The following TTLL5 variants were observed in gnomAD, a reference collection of about 807,000 sequenced individuals.
The protein encoded by TTLL5 is tubulin polyglutamylase TTLL5.
TTLL5 carries 132 observed loss-of-function variants against 168.4 expected under a neutral mutation model. The ratio of observed to expected loss-of-function variants is 0.78; its 90% CI spans 0.68 to 0.91. The LOEUF (loss-of-function observed/expected upper bound fraction) is 0.91. TTLL5 is among the 40% of genes least tolerant of loss of function. The probability of loss-of-function intolerance (pLI) is 0.00; values close to 1 mark genes in which losing one functional copy is unlikely to be tolerated. For missense variants in TTLL5, 1,545 were observed against 1,581.5 expected, an observed-to-expected ratio of 0.98 and a Z score of 0.39; for synonymous variants, 546 against 558.6, an observed-to-expected ratio of 0.98 and a Z score of 0.32.
At chr14:75,902,342 T>G in intron 31 of TTLL5, 118 bp downstream of exon 31, 1 of 1,063,654 alleles carries the variant, frequency 9.4e-7, no homozygotes, top group Non-Finnish European at 1.4e-6. Flanking sequence ...ACATCTAGCC[T>G]CTCAAAACAT....
intron 29 of TTLL5, among the ~76,000 whole-genome samples, chr14:75,871,205 A>G (rs1294721232): frequency 6.6e-6 from 1 of 152,216 alleles, no homozygotes; most frequent in Non-Finnish European, 1.5e-5. Flanking sequence ...TACCCTGGTT[A>G]TCATCATGTT....
chr14:75,922,750 A>G (rs891657661), intron 31 of TTLL5, among the ~76,000 whole-genome samples: 3 of 152,146 alleles, frequency 2.0e-5, no homozygotes, highest in Non-Finnish European at 4.4e-5. Flanking sequence ...TCATAAAATG[A>G]GTTAGGGAGG....
intron 13 of TTLL5, among the ~76,000 whole-genome samples, chr14:75,733,129 C>T (rs1032398089): frequency 1.3e-5 from 2 of 152,194 alleles, no homozygotes; most frequent in Non-Finnish European, 2.9e-5. Flanking sequence ...AGATTGACTA[C>T]TTTTGGAGTG....
intron 28 of TTLL5, 78 bp from the exon 29 acceptor site, chr14:75,863,589 C>T: frequency 7.3e-7 from 1 of 1,365,584 alleles, no homozygotes; most frequent in East Asian, 2.5e-5. Context: ...GGAAAAATAC[C>T]TGAGATATTT....
chr14:75,927,621 T>C (rs1007890553), intron 31 of TTLL5, among the ~76,000 whole-genome samples: 1 of 152,186 alleles, frequency 6.6e-6, no homozygotes, highest in African/African-American at 2.4e-5. Flanking sequence ...GTGTGTGAAG[T>C]GTGTTCTAAG....
intron 31 of TTLL5, among the ~76,000 whole-genome samples, chr14:75,931,972 C>A (rs563980983): frequency 6.6e-6 from 1 of 152,156 alleles, no homozygotes; most frequent in African/African-American, 2.4e-5. Flanking sequence ...ACCTCTGTAT[C>A]ACCAGTGCTT....
Position 75,766,168 on chromosome 14 carries a change from G to A in TTLL5, c.1815G>A (p.Glu605=). ...ATGAAGAACAGGAGGCTTCCCAGGA[G>A]GAGTCTGCAGGATTTCTTAGAGAAA... ...NEDEEQEASQ[E]ESAGFLRENQ... Residue 605 remains glutamate (E), a synonymous_variant, in exon 20 of 32, where the codon GAG becomes GAA. Transcript: ENST00000298832. 1.2e-6 allele frequency: 2 copies of A among 1,614,024 alleles called. No individual in the cohort carries two copies. The highest frequency in any genetic ancestry group is 4.5e-5 in the East Asian group (2 of 44,854).
At chr14:75,783,037 G>C (rs1892150948) in intron 25 of TTLL5, 110 bp from the exon 26 acceptor site, 2 of 1,237,452 alleles carry the variant, frequency 1.6e-6, no homozygotes, top group Non-Finnish European at 2.2e-6. Flanking sequence ...CATGATTTCT[G>C]TTTCATGCCA....
chr14:75,770,817 T>G (rs1387099860), intron 20 of TTLL5, among the ~76,000 whole-genome samples: 1 of 152,200 alleles, frequency 6.6e-6, no homozygotes. Flanking sequence ...GGCCCATCAG[T>G]TCATCTGTGC....
chr14:75,766,028 T>A (rs1294003740), intron 19 of TTLL5, 34 bp from the exon 20 acceptor site: 1 of 1,571,092 alleles, frequency 6.4e-7, no homozygotes, highest in South Asian at 1.2e-5. Context: ...ATTTAATCCT[T>A]TTTTCAGCAA....
At chr14:75,758,160 A>G (rs1319132447) in intron 18 of TTLL5, among the ~76,000 whole-genome samples, 3 of 152,240 alleles carry the variant, frequency 2.0e-5, no homozygotes, top group Non-Finnish European at 4.4e-5. Context: ...GTTAGATTCA[A>G]GTACAGAGTT....
Position 75,882,829 on chromosome 14 carries a change from G to T in TTLL5, c.3667G>T (p.Ala1223Ser), listed in dbSNP as rs10130991. Residue 1223 changes from alanine (A) to serine (S), a missense_variant, in exon 30 of 32, where the codon GCC (alanine) becomes TCC (serine). Physicochemically the swap from Ala to Ser is moderately conservative, Grantham distance 99. Coordinates refer to ENST00000298832, the MANE Select transcript of TTLL5 (RefSeq NM_015072.5). ...QKVVPPPSSC[A>S]SLVPKPPPNH... ...AGTGGTACCACCTCCAAGTTCTTGC[G>T]CCTCCCTGGTTCCCAAACCCCCACC... 1.5e-3 allele frequency: 2,447 copies of T among 1,614,030 alleles called. 41 individuals are homozygous for T. The African/African-American group carries it at 0.03, about 19-fold the overall frequency.
chr14:75,859,350 T>C (rs1897294193), intron 28 of TTLL5, among the ~76,000 whole-genome samples: 1 of 152,156 alleles, frequency 6.6e-6, no homozygotes, highest in Admixed American at 6.5e-5. Flanking sequence ...CACAGTACAA[T>C]ATAGAAAGTA....
At chr14:75,936,426 T>C (rs1358355009) in intron 31 of TTLL5, among the ~76,000 whole-genome samples, 1 of 152,218 alleles carries the variant, frequency 6.6e-6, no homozygotes, top group Non-Finnish European at 1.5e-5. Context: ...TCCCTCCCTC[T>C]CTGCTTCACG....
intron 31 of TTLL5, among the ~76,000 whole-genome samples, chr14:75,920,708 T>G (rs577968251): frequency 6.6e-6 from 1 of 152,246 alleles, no homozygotes; most frequent in Non-Finnish European, 1.5e-5. Context: ...GCAGTAAACA[T>G]ACAAGTGCAT....
At chr14:75,667,183 C>G (rs764039727) in intron 2 of TTLL5, among the ~76,000 whole-genome samples, 14 of 152,082 alleles carry the variant, frequency 9.2e-5, no homozygotes, top group Non-Finnish European at 1.8e-4. Flanking sequence ...CAGTTAGGGC[C>G]TGGGCTCTTC....
At chr14:75,681,339 G>T (rs765148330) in intron 3 of TTLL5, among the ~76,000 whole-genome samples, 16 of 152,082 alleles carry the variant, frequency 1.1e-4, no homozygotes, top group Non-Finnish European at 2.1e-4. Flanking sequence ...GAAAACCAAG[G>T]TGTAATTTTT....
chr14:75,843,506 C>T (rs935829995), intron 28 of TTLL5, among the ~76,000 whole-genome samples: 1 of 152,226 alleles, frequency 6.6e-6, no homozygotes, highest in Non-Finnish European at 1.5e-5. Flanking sequence ...GTTCATCTTA[C>T]ACAAGAAGGA....
chr14:75,662,316 G>C (rs1480494190), intron 1 of TTLL5, among the ~76,000 whole-genome samples: 3 of 151,162 alleles, frequency 2.0e-5, no homozygotes, highest in Admixed American at 2.0e-4. Flanking sequence ...AATGTTGGCA[G>C]GGGTTTTTTG....
Sources: allele counts gnomAD v4.1 joint callset (sites outside exome capture counted in the v4.1 genomes callset), GRCh38; gene constraint gnomAD v4.1.1; transcripts MANE v1.5; gene names NCBI Gene and HGNC (gene_info 2026-07-23, HGNC 2026-07-21).